The following EHBP1 variants were observed in gnomAD, a reference collection of about 807,000 sequenced individuals.
EHBP1 encodes the protein EH domain binding protein 1.
In EHBP1, 55 loss-of-function variants were observed where a neutral mutation model predicts 144.0. That is an observed-to-expected ratio of 0.38 (90% CI 0.31 to 0.48). The LOEUF (loss-of-function observed/expected upper bound fraction) is 0.48, where lower values mean the gene tolerates loss of function less well. Ranked by LOEUF, EHBP1 falls within the 20% of genes least tolerant of loss-of-function variation. The pLI is 0.98. For synonymous variants in EHBP1, 469 were observed against 472.7 expected, an observed-to-expected ratio of 0.99 and a Z score of 0.10; for missense variants, 1,200 against 1,364.2, an observed-to-expected ratio of 0.88 and a Z score of 1.90.
At position 62,910,239 on chromosome 2, in the gene EHBP1, G is replaced by A. The variant is rs193062264; in HGVS notation, c.1186-32479G>A. Reference sequence around the variant, plus strand: ...GCGAGTTAGTGAATAATATGTTATCGTATACTTGTAACTCAGTTTATATAG... The same window carrying A: ...GCGAGTTAGTGAATAATATGTTATCATATACTTGTAACTCAGTTTATATAG... On this transcript the variant is annotated intron_variant, in intron 10 of 22. Coordinates refer to ENST00000431489, the MANE Select transcript of EHBP1 (RefSeq NM_001142616.3). Among the ~76,000 whole-genome samples, 18 of 152,224 alleles carry A rather than the reference G, an allele frequency of 1.2e-4. No individual in the cohort carries two copies. In the East Asian group the frequency reaches 2.9e-3, roughly 24 times the overall value.
At chr2:62,893,714 G>C (rs1438804800) in intron 10 of EHBP1, among the ~76,000 whole-genome samples, 1 of 152,082 alleles carries the variant, frequency 6.6e-6, no homozygotes, top group Non-Finnish European at 1.5e-5. Context: ...GTTTGGAGGT[G>C]GGTATAGGTG....
At chr2:62,896,390 T>C (rs1191233325) in intron 10 of EHBP1, among the ~76,000 whole-genome samples, 1 of 152,184 alleles carries the variant, frequency 6.6e-6, no homozygotes, top group East Asian at 1.9e-4. Context: ...TTGTAACAAT[T>C]TTGGCATTAA....
intron 4 of EHBP1, among the ~76,000 whole-genome samples, chr2:62,767,142 T>G (rs2041254371): frequency 6.6e-6 from 1 of 151,670 alleles, no homozygotes. Flanking sequence ...TCCAGCTGTT[T>G]ATTTAACCTC....
intron 14 of EHBP1, among the ~76,000 whole-genome samples, chr2:62,960,245 TC>T (rs2057933149): frequency 6.6e-6 from 1 of 152,124 alleles, no homozygotes; most frequent in Admixed American, 6.5e-5. Context: ...TCCTGTCCCC[TC>T]CCTTTACAGC....
chr2:62,729,513 AAAAT>A (rs1392073157), intron 2 of EHBP1, among the ~76,000 whole-genome samples: 38 of 101,752 alleles, frequency 3.7e-4, no homozygotes, highest in African/African-American at 1.2e-3. Context: ...TAAATATAAT[AAAAT>A]AAATAAATAT....
chr2:62,866,717 A>G (rs948824322), intron 9 of EHBP1, among the ~76,000 whole-genome samples: 1 of 152,190 alleles, frequency 6.6e-6, no homozygotes, highest in Non-Finnish European at 1.5e-5. Flanking sequence ...AGAAAATAAC[A>G]AAGGATCAGT....
chr2:62,775,805 A>T (rs2042016672), intron 5 of EHBP1, among the ~76,000 whole-genome samples: 1 of 152,192 alleles, frequency 6.6e-6, no homozygotes, highest in Admixed American at 6.5e-5. Flanking sequence ...TAGAGAGGTT[A>T]AGTAACTTGC....
chr2:62,704,838 T>G (rs1312082735), upstream of EHBP1, among the ~76,000 whole-genome samples: 1 of 152,314 alleles, frequency 6.6e-6, no homozygotes, highest in African/African-American at 2.4e-5. Flanking sequence ...GGCCCTTGGC[T>G]CTTTTAACAA....
chr2:62,735,744 GAA>G (rs1256585535), intron 2 of EHBP1, among the ~76,000 whole-genome samples: 1 of 152,230 alleles, frequency 6.6e-6, no homozygotes, highest in South Asian at 2.1e-4. Flanking sequence ...GTTTGTCTGA[GAA>G]AGTCTTTATT....
rs1243300143 is a variant in EHBP1, at chr2:62,705,758, G to T, written c.-590G>T. ...GGAGGTAATGATGATGGTGGCGGAGGAGAAAGGCGGGGGAGGGGGTGCTGG... is the reference window on the plus strand; with the variant it reads ...GGAGGTAATGATGATGGTGGCGGAGTAGAAAGGCGGGGGAGGGGGTGCTGG... On this transcript the variant is annotated 5_prime_UTR_variant, in exon 1 of 23. It introduces an in-frame stop codon into an upstream open reading frame of the 5' UTR. Coordinates refer to ENST00000431489, the MANE Select transcript of EHBP1 (RefSeq NM_001142616.3). 1 of 150,790 alleles carries T rather than the reference G, an allele frequency of 6.6e-6. No homozygotes were observed. The highest frequency in any genetic ancestry group is 2.5e-5 in the African/African-American group (1 of 40,688). 9.3% of individuals were successfully genotyped at this position (150,790 alleles called of 1,614,324 possible). A position where few individuals can be genotyped will look rare whatever the true frequency, so the allele number is the denominator to read the frequency against.
intron 7 of EHBP1, among the ~76,000 whole-genome samples, chr2:62,842,899 G>C (rs116750435): frequency 0.014 from 2,075 of 152,272 alleles, 24 homozygotes; most frequent in Non-Finnish European, 0.02. Context: ...TTCTACACTA[G>C]TATTGAAAGG....
chr2:62,994,095 C>T (rs1379688937), intron 18 of EHBP1, 118 bp downstream of exon 18: 1 of 610,020 alleles, frequency 1.6e-6, no homozygotes, highest in East Asian at 3.0e-5. Flanking sequence ...ATCTCCAGTG[C>T]ATTCAAAGCA....
chr2:62,681,268 T>C (rs2033504102), intron 1 of EHBP1, among the ~76,000 whole-genome samples: 1 of 147,028 alleles, frequency 6.8e-6, no homozygotes, highest in African/African-American at 2.5e-5. Context: ...ATCATGCCAC[T>C]GCACTCCAGC....
At chr2:62,731,628 T>C (rs1190926473) in intron 2 of EHBP1, among the ~76,000 whole-genome samples, 3 of 152,194 alleles carry the variant, frequency 2.0e-5, no homozygotes, top group South Asian at 2.1e-4. Flanking sequence ...TTGGATTTTG[T>C]CAAATACTCC....
At chr2:62,884,434 G>C (rs2051742815) in intron 10 of EHBP1, among the ~76,000 whole-genome samples, 1 of 152,152 alleles carries the variant, frequency 6.6e-6, no homozygotes, top group Admixed American at 6.5e-5. Context: ...CAAATTGTGT[G>C]GGCCCCGTGG....
chr2:62,989,369 G>A (rs936976346), intron 15 of EHBP1, among the ~76,000 whole-genome samples: 3 of 152,034 alleles, frequency 2.0e-5, no homozygotes, highest in Admixed American at 6.6e-5. Context: ...CATAAAATCA[G>A]TAACAATATG....
At chr2:62,938,124 T>C (rs2056506534) in intron 10 of EHBP1, among the ~76,000 whole-genome samples, 1 of 152,028 alleles carries the variant, frequency 6.6e-6, no homozygotes, top group Non-Finnish European at 1.5e-5. Context: ...GCTGTATCAT[T>C]TGCAAACACA....
At chr2:62,727,886 C>T (rs1298385123) in intron 2 of EHBP1, among the ~76,000 whole-genome samples, 2 of 152,142 alleles carry the variant, frequency 1.3e-5, no homozygotes, top group Admixed American at 6.5e-5. Context: ...GCAAGGGAGA[C>T]AGCAGAGGTG....
intron 2 of EHBP1, among the ~76,000 whole-genome samples, chr2:62,734,951 A>C (rs1015914955): frequency 6.6e-6 from 1 of 152,058 alleles, no homozygotes; most frequent in African/African-American, 2.4e-5. Flanking sequence ...CCCAGGCTGG[A>C]GTGCAGTGGC....
Sources: allele counts gnomAD v4.1 joint callset (sites outside exome capture counted in the v4.1 genomes callset), GRCh38; gene constraint gnomAD v4.1.1; transcripts MANE v1.5; gene names NCBI Gene and HGNC (gene_info 2026-07-23, HGNC 2026-07-21).